The following ADPRHL1 variants were observed in gnomAD, a reference collection of about 807,000 sequenced individuals.
ADPRHL1 encodes ADP-ribosylhydrolase like 1.
ADPRHL1 carries 43 observed loss-of-function variants against 44.1 expected under a neutral mutation model. The observed-to-expected ratio is 0.98, with a 90% CI of 0.76 to 1.26. The LOEUF (loss-of-function observed/expected upper bound fraction) is 1.26, where lower values mean the gene tolerates loss of function less well. ADPRHL1 is among the 50% of genes most tolerant of loss of function. The probability of loss-of-function intolerance (pLI) is 0.00; values close to 1 mark genes in which losing one functional copy is unlikely to be tolerated. For synonymous variants in ADPRHL1, 878 were observed against 1,017.4 expected (o/e 0.86, Z 2.61); for missense variants, 2,022 against 2,496.9 (o/e 0.81, Z 4.05).
chr13:113,399,620 A>G lies in ADPRHL1; in HGVS notation c.*3758T>C, dbSNP rs2043741644. 6.6e-6 allele frequency: 1 copy of G among 152,106 alleles called. No homozygotes were observed. The highest frequency in any genetic ancestry group is 2.4e-5 in the African/African-American group (1 of 41,450). The allele number at this position is 152,106 out of a possible 1,614,324, so 9.4% of individuals were successfully genotyped here. On this transcript the variant is annotated 3_prime_UTR_variant, in exon 8 of 8. Transcript: ENST00000612156. Reference sequence around the variant, plus strand: ...GCAAGGAAGAGATTTGTAATGGGAAAGGTATTTTATTTCTTTTTGAAATTA... The same window carrying G: ...GCAAGGAAGAGATTTGTAATGGGAAGGGTATTTTATTTCTTTTTGAAATTA...
At position 113,429,963 on chromosome 13, in the gene ADPRHL1, G is replaced by A. The variant is rs552659126; in HGVS notation, c.506-871C>T. On this transcript the variant is annotated intron_variant, in intron 3 of 7. Coordinates refer to ENST00000612156, the MANE Select transcript of ADPRHL1 (RefSeq NM_001394807.1). ...AGTATATATGTATTTAATAAAACAC[G>A]GTTAAGGAAGAAGTCCGGGAGGCCT... Among the ~76,000 whole-genome samples the A allele has an allele frequency of 4.6e-5, 7 of 152,306 alleles. No individual in the cohort carries two copies. The South Asian group carries it at 6.2e-4, about 14-fold the overall frequency.
At chr13:113,433,644 G>GCCCCCCCCCCCC in intron 3 of ADPRHL1, 98 bp downstream of exon 3, 1 of 1,466,060 alleles carries the variant, frequency 6.8e-7, no homozygotes, top group South Asian at 1.3e-5. Flanking sequence ...GCAGCTCCAG[G>GCCCCCCCCCCCC]CCCCCGCCCC....
In ADPRHL1 at chr13:113,424,195, C is replaced by T. The variant is rs375544824; in HGVS notation, c.907+22G>A. 6.0e-5 allele frequency: 97 copies of T among 1,611,902 alleles called. No individual in the cohort carries two copies. The African/African-American group carries it at 1.0e-3, about 17-fold the overall frequency. ...AAGGGTGCTACCCTCCAGGAAGCCA[C>T]GGCCATTAAGGAACATCTCACCTCC... is the stretch of plus-strand genomic sequence containing the variant. On this transcript the variant is annotated intron_variant, in intron 6 of 7. Transcript: ENST00000612156.
chr13:113,431,947 C>T (rs949307251), intron 3 of ADPRHL1, among the ~76,000 whole-genome samples: 3 of 152,138 alleles, frequency 2.0e-5, no homozygotes, highest in African/African-American at 7.2e-5. Context: ...GAACTCCTGA[C>T]CTCAGGTGAT....
In ADPRHL1 at chr13:113,433,190, G is replaced by T. The variant is rs561966688; in HGVS notation, c.505+552C>A. Among the ~76,000 whole-genome samples the T allele has an allele frequency of 1.8e-4, 27 of 152,338 alleles. No homozygotes were observed. The South Asian group carries it at 2.1e-3, about 12-fold the overall frequency. On this transcript the variant is annotated intron_variant, in intron 3 of 7. Coordinates refer to ENST00000612156, the MANE Select transcript of ADPRHL1 (RefSeq NM_001394807.1). ...TACAGGTTAGAAACCTGTGGCCCGT[G>T]GGGTGGAGCCGCTCCCGTGGTTCCC...
Position 113,400,693 on chromosome 13 carries a change from C to T in ADPRHL1, c.*2685G>A, listed in dbSNP as rs1257910567. Reference sequence around the variant, plus strand: ...GACCGTTCTCAAATCCTGGTGAAGTCACTGGCAGTTTTTTCCTGCACACAG... The same window carrying T: ...GACCGTTCTCAAATCCTGGTGAAGTTACTGGCAGTTTTTTCCTGCACACAG... On this transcript the variant is annotated 3_prime_UTR_variant, in exon 8 of 8. Transcript: ENST00000612156. 6.6e-6 allele frequency: 1 copy of T among 152,268 alleles called. No individual in the cohort carries two copies. Among genetic ancestry groups the T allele is most frequent in the African/African-American group, 2.4e-5 (1 of 41,438 alleles). 9.4% of individuals were successfully genotyped at this position (152,268 alleles called of 1,614,324 possible). A position where few individuals can be genotyped will look rare whatever the true frequency, so the allele number is the denominator to read the frequency against.
chr13:113,432,192 C>G (rs1279372405), intron 3 of ADPRHL1, among the ~76,000 whole-genome samples: 1 of 152,134 alleles, frequency 6.6e-6, no homozygotes, highest in Non-Finnish European at 1.5e-5. Context: ...GGCGCAAACA[C>G]AGCTCACTGC....
At chr13:113,431,262 C>T (rs1480906104) in intron 3 of ADPRHL1, among the ~76,000 whole-genome samples, 3 of 152,146 alleles carry the variant, frequency 2.0e-5, no homozygotes, top group Admixed American at 6.5e-5. Context: ...AGGCTGGGCC[C>T]ACGGTGAACG....
chr13:113,428,478 G>A (rs2043982742), intron 4 of ADPRHL1, among the ~76,000 whole-genome samples: 3 of 152,182 alleles, frequency 2.0e-5, no homozygotes, highest in Non-Finnish European at 2.9e-5. Context: ...AGAATCTTCC[G>A]GAACCGTCAC....
At chr13:113,434,846 C>T (rs35673521) in intron 2 of ADPRHL1, among the ~76,000 whole-genome samples, 1 of 124,948 alleles carries the variant, frequency 8.0e-6, no homozygotes, top group African/African-American at 3.2e-5. Flanking sequence ...CCCCGGGACC[C>T]GGCACCCAGG....
Position 113,425,042 on chromosome 13 carries a change from C to A in ADPRHL1, c.774+10G>T. 1 of 1,613,338 alleles carries A rather than the reference C, an allele frequency of 6.2e-7. No individual in the cohort carries two copies. Among genetic ancestry groups the A allele is most frequent in the South Asian group, 1.1e-5 (1 of 91,048 alleles). On this transcript the variant is annotated intron_variant, in intron 5 of 7. Coordinates refer to ENST00000612156, the MANE Select transcript of ADPRHL1 (RefSeq NM_001394807.1). Reference sequence around the variant, plus strand: ...GCCAGACATTGCCCCAGTGCCAGGACAAGGCTTACCTTTTCCCTCTCTTCT... The same window carrying A: ...GCCAGACATTGCCCCAGTGCCAGGAAAAGGCTTACCTTTTCCCTCTCTTCT...
At position 113,422,934 on chromosome 13, in the gene ADPRHL1, A is replaced by T. The variant is rs763842367; in HGVS notation, c.953T>A (p.Leu318Ter). The T allele has an allele frequency of 1.9e-6, 3 of 1,612,930 alleles. No homozygotes were observed. The highest frequency in any genetic ancestry group is 8.5e-7 in the Non-Finnish European group (1 of 1,179,972). The change falls in exon 7 of 8, where the codon TTG (leucine) becomes TAG (stop). Residue 318 changes from leucine to a stop codon, truncating the protein, a stop_gained. Coordinates refer to ENST00000612156, the MANE Select transcript of ADPRHL1 (RefSeq NM_001394807.1). LOFTEE classifies it high-confidence loss of function. Reference sequence around the variant, plus strand: ...GGGAACGAGGTCCAGGCCGTACAGCAACCCGAACAGGCAGCCTGCAATGGT... The same window carrying T: ...GGGAACGAGGTCCAGGCCGTACAGCTACCCGAACAGGCAGCCTGCAATGGT... The part of the protein sequence containing the change: ...TGTIAGCLFG[L>*]LYGLDLVPKG...
intron 2 of ADPRHL1, among the ~76,000 whole-genome samples, chr13:113,444,140 C>T (rs1264977747): frequency 1.3e-5 from 2 of 151,898 alleles, no homozygotes; most frequent in Non-Finnish European, 2.9e-5. Flanking sequence ...TAAACAGACG[C>T]CCGCACTGGC....
chr13:113,450,863 C>T (rs980015816), intron 1 of ADPRHL1, among the ~76,000 whole-genome samples: 14 of 152,140 alleles, frequency 9.2e-5, no homozygotes, highest in East Asian at 3.9e-4. Flanking sequence ...GTTAGGCCTC[C>T]GGATAACTGC....
Position 113,425,684 on chromosome 13 carries a change from C to CT in ADPRHL1, c.647-506dup, listed in dbSNP as rs66812194. On this transcript the variant is annotated intron_variant, in intron 4 of 7. Coordinates refer to ENST00000612156, the MANE Select transcript of ADPRHL1 (RefSeq NM_001394807.1). ...ACCATGCCCGGCCTCTTTTTTCTTT[C>CT]TTTTTTTTTTTTTTGAGACGGAGTC... Among the ~76,000 whole-genome samples, 299 of 133,912 alleles carry CT rather than the reference C, an allele frequency of 2.2e-3. 5 individuals are homozygous for CT. The highest frequency in any genetic ancestry group is 7.4e-3 in the African/African-American group (258 of 34,980). The allele number at this position is 133,912 out of a possible 152,430, so 87.9% of individuals were successfully genotyped here.
intron 7 of ADPRHL1, 44 bp from the exon 8 acceptor site, chr13:113,408,264 C>T: frequency 8.1e-7 from 1 of 1,231,500 alleles, no homozygotes; most frequent in East Asian, 3.2e-5. Context: ...CATCATTTTT[C>T]TCCAAGATGA....
chr13:113,440,888 T>C (rs1210973981), intron 2 of ADPRHL1, among the ~76,000 whole-genome samples: 3 of 152,298 alleles, frequency 2.0e-5, no homozygotes, highest in East Asian at 3.9e-4. Context: ...CACAGTGGCT[T>C]ATGCCTGTAA....
chr13:113,434,221 C>G (rs934652680), intron 2 of ADPRHL1, among the ~76,000 whole-genome samples: 1 of 152,168 alleles, frequency 6.6e-6, no homozygotes, highest in Non-Finnish European at 1.5e-5. Context: ...GAAACATGCA[C>G]GACCCTAAGA....
At chr13:113,437,553 C>T (rs918837555) in intron 2 of ADPRHL1, among the ~76,000 whole-genome samples, 4 of 152,240 alleles carry the variant, frequency 2.6e-5, no homozygotes, top group Non-Finnish European at 5.9e-5. Flanking sequence ...AACAGAATCA[C>T]GGAGAACGTG....
Sources: gnomAD v4.1 joint callset for allele counts (sites outside exome capture counted in the v4.1 genomes callset) on GRCh38, gnomAD v4.1.1 for gene constraint, MANE v1.5 for transcripts, NCBI Gene and HGNC (gene_info 2026-07-23, HGNC 2026-07-21) for gene names.